LBHD1: variants seen among roughly 807,000 people sequenced by gnomAD.
LBHD1 encodes LBH domain containing 1, also known as LBH domain-containing protein 1.
Under a neutral mutation model 31.1 loss-of-function variants are expected in LBHD1, and 28 were observed. The observed-to-expected ratio is 0.90, with a 90% CI of 0.67 to 1.24. LBHD1 has a LOEUF of 1.24. Among genes scored for constraint, LBHD1 ranks in the 50% most tolerant of loss-of-function variants. The pLI, the probability that LBHD1 is intolerant of heterozygous loss-of-function variation, is 0.00. For synonymous variants in LBHD1, 105 were observed against 116.5 expected, an observed-to-expected ratio of 0.90 and a Z score of 0.63; for missense variants, 350 against 323.0, an observed-to-expected ratio of 1.08 and a Z score of -0.64.
chr11:62,671,629 T>G lies in LBHD1; in HGVS notation c.-76A>C. On this transcript the variant is annotated 5_prime_UTR_variant, in exon 1 of 7. Transcript: ENST00000354588. ...CAGGTCCTCTCTAGCCGGCCGCTTA[T>G]CTATGGTTTCTGCTATAGGGCGCTC... The G allele has an allele frequency of 1.3e-6, 2 of 1,513,706 alleles. No individual in the cohort carries two copies. The highest frequency in any genetic ancestry group is 2.3e-5 in the East Asian group (1 of 43,952). The allele number at this position is 1,513,706 out of a possible 1,614,324, so 93.8% of individuals were successfully genotyped here. A position where few individuals can be genotyped will look rare whatever the true frequency, so the allele number is the denominator to read the frequency against.
At chr11:62,670,203 G>T (rs1022400483) in intron 1 of LBHD1, 162 bp from the exon 2 acceptor site, 8 of 712,694 alleles carry the variant, frequency 1.1e-5, no homozygotes, top group Non-Finnish European at 1.8e-5. Context: ...AGGTGAGATA[G>T]GATCTTTATT....
rs764356369 is a variant in LBHD1 at position 62,667,760 on chromosome 11, AAG to A, written c.314-15_314-14del. On this transcript the variant is annotated splice_polypyrimidine_tract_variant and intron_variant, in intron 3 of 6. Transcript: ENST00000354588. ...CTCCAAGCCCAGCCTGGGATGGAGG[AAG>A]AGAGGGGACAAAAATATTACTGATA... is the stretch of plus-strand genomic sequence containing the variant. 7.1e-6 allele frequency: 11 copies of A among 1,547,504 alleles called. No individual in the cohort carries two copies. Among genetic ancestry groups the A allele is most frequent in the Admixed American group, 5.3e-5 (3 of 56,754 alleles).
intron 1 of LBHD1, chr11:62,670,966 G>A (rs1944928286): frequency 9.3e-6 from 2 of 215,040 alleles, no homozygotes; most frequent in South Asian, 1.2e-4. Context: ...GGGCGTGGTG[G>A]TGCACGCCTG....
In LBHD1 at chr11:62,665,508, G is replaced by A. The variant is rs770414732; in HGVS notation, c.539-535C>T. 3 of 1,572,922 alleles carry A rather than the reference G, an allele frequency of 1.9e-6. No homozygotes were observed. The East Asian group carries it at 7.0e-5, about 37-fold the overall frequency. ...GGGAAAGGGCTCTGGCCCCCTCGGC[G>A]TCATGTCTTCGGTGCTGGCGGCTTC... On this transcript the variant is annotated intron_variant, in intron 4 of 6. Coordinates refer to ENST00000354588, the MANE Select transcript of LBHD1 (RefSeq NM_024099.5).
At chr11:62,671,358 T>C (rs3809078) in intron 1 of LBHD1, 18 of 1,258,860 alleles carry the variant, frequency 1.4e-5, no homozygotes, top group Non-Finnish European at 1.8e-5. Flanking sequence ...CGCGGGTGAC[T>C]GCAGGAAACC....
At position 62,671,834 on chromosome 11, in the gene LBHD1, C is replaced by G; in HGVS notation, c.-281G>C. 1.2e-6 allele frequency: 2 copies of G among 1,614,094 alleles called. No homozygotes were observed. On this transcript the variant is annotated 5_prime_UTR_variant, in exon 1 of 7. Transcript: ENST00000354588. The stretch of plus-strand genomic sequence containing the variant: ...TACGCGCTCCTCGTTATCGTGACCC[C>G]GGGAGAGCGGCGGAAGCAGGAAATG...
intron 1 of LBHD1, chr11:62,671,147 C>A (rs534573200): frequency 1.1e-4 from 39 of 353,092 alleles, no homozygotes; most frequent in Admixed American, 2.8e-4. Context: ...ACAACAAAAC[C>A]AAAAAAAAAC....
chr11:62,667,894 A>AGCCCTGG, intron 3 of LBHD1, 147 bp from the exon 4 acceptor site: 1 of 618,700 alleles, frequency 1.6e-6, no homozygotes, highest in Non-Finnish European at 2.9e-6. Flanking sequence ...CAATAAAGTG[A>AGCCCTGG]CACCCCTAAC....
At chr11:62,667,071 ACC>A in intron 4 of LBHD1, 1 of 1,547,848 alleles carries the variant, frequency 6.5e-7, no homozygotes, top group African/African-American at 1.4e-5. Flanking sequence ...AGTAGTCCTG[ACC>A]CTAGTATTTC....
chr11:62,666,296 T>C (rs776521708), intron 4 of LBHD1: 2 of 1,251,980 alleles, frequency 1.6e-6, no homozygotes, highest in South Asian at 2.5e-5. Flanking sequence ...GGTCACAGAG[T>C]GAGACCCTGT....
chr11:62,671,589 A>T lies in LBHD1; in HGVS notation c.-36T>A. The T allele has an allele frequency of 6.8e-7, 1 of 1,472,092 alleles. No individual in the cohort carries two copies. Among genetic ancestry groups the T allele is most frequent in the Non-Finnish European group, 8.9e-7 (1 of 1,119,210 alleles). The allele number at this position is 1,472,092 out of a possible 1,614,324, so 91.2% of individuals were successfully genotyped here. ...CTGAGATCCAAGCGCTCCGGATTCCAAACGTTTCCTCGAGCAGGTCCTCTC... is the reference window on the plus strand; with the variant it reads ...CTGAGATCCAAGCGCTCCGGATTCCTAACGTTTCCTCGAGCAGGTCCTCTC... On this transcript the variant is annotated 5_prime_UTR_variant, in exon 1 of 7. Coordinates refer to ENST00000354588, the MANE Select transcript of LBHD1 (RefSeq NM_024099.5).
rs747797369 is a variant in LBHD1, at chr11:62,672,113, G to A, written c.-560C>T. 1.9e-6 allele frequency: 3 copies of A among 1,572,740 alleles called. No homozygotes were observed. In the East Asian group the frequency reaches 7.0e-5, roughly 37 times the overall value. On this transcript the variant is annotated 5_prime_UTR_variant, in exon 1 of 7. Coordinates refer to ENST00000354588, the MANE Select transcript of LBHD1 (RefSeq NM_024099.5). Reference sequence around the variant, plus strand: ...GGCGGCGCCGGCGGGAGGTCACCGTGAGACCGGACTTGCCTCCGTGGGCGC... The same window carrying A: ...GGCGGCGCCGGCGGGAGGTCACCGTAAGACCGGACTTGCCTCCGTGGGCGC...
intron 4 of LBHD1, chr11:62,665,774 G>A: frequency 6.5e-7 from 1 of 1,530,630 alleles, no homozygotes; most frequent in Non-Finnish European, 8.8e-7. Context: ...GCCGCCTTTC[G>A]CTACGCGGAA....
In LBHD1 at chr11:62,663,163, A is replaced by G. The variant is rs1395895899; in HGVS notation, c.762-4T>C. 6.2e-7 allele frequency: 1 copy of G among 1,613,730 alleles called. No individual in the cohort carries two copies. Among genetic ancestry groups the G allele is most frequent in the Non-Finnish European group, 8.5e-7 (1 of 1,179,946 alleles). On this transcript the variant is annotated splice_polypyrimidine_tract_variant and splice_region_variant and intron_variant, in intron 6 of 6. Coordinates refer to ENST00000354588, the MANE Select transcript of LBHD1 (RefSeq NM_024099.5). ...GCTGGCTTTGAAGGGGCTTCCACTGAGTAAAGGGAAGAAGGAAGTATTATC... is the reference window on the plus strand; with the variant it reads ...GCTGGCTTTGAAGGGGCTTCCACTGGGTAAAGGGAAGAAGGAAGTATTATC...
At chr11:62,668,141 G>C (rs995652332) in intron 3 of LBHD1, 4 of 181,784 alleles carry the variant, frequency 2.2e-5, no homozygotes, top group African/African-American at 9.5e-5. Context: ...TTTATAAAGG[G>C]GAAGTACCTT....
chr11:62,663,009 T>C lies in LBHD1; in HGVS notation c.*120A>G. 4.8e-6 allele frequency: 7 copies of C among 1,464,886 alleles called. No homozygotes were observed. The highest frequency in any genetic ancestry group is 4.7e-6 in the Non-Finnish European group (5 of 1,059,066). The allele number at this position is 1,464,886 out of a possible 1,614,324, so 90.7% of individuals were successfully genotyped here. ...AGTCCTCTGAAACAACCACTGAGTC[T>C]GAAGGCTGGCTCCAGTTGAGAATCT... On this transcript the variant is annotated 3_prime_UTR_variant, in exon 7 of 7. Coordinates refer to ENST00000354588, the MANE Select transcript of LBHD1 (RefSeq NM_024099.5).
Position 62,664,841 on chromosome 11 carries a change from G to A in LBHD1, c.663+8C>T. 6.4e-7 allele frequency: 1 copy of A among 1,561,126 alleles called. No individual in the cohort carries two copies. The highest frequency in any genetic ancestry group is 8.7e-7 in the Non-Finnish European group (1 of 1,152,476). On this transcript the variant is annotated splice_region_variant and intron_variant, in intron 5 of 6. Coordinates refer to ENST00000354588, the MANE Select transcript of LBHD1 (RefSeq NM_024099.5). Reference sequence around the variant, plus strand: ...GGACGACCAACAGGAAGAGGGTCTAGTACTTACGCCCGCTTCTTGAGGTGG... The same window carrying A: ...GGACGACCAACAGGAAGAGGGTCTAATACTTACGCCCGCTTCTTGAGGTGG...
At position 62,671,548 on chromosome 11, in the gene LBHD1, A is replaced by AC. The variant is rs1178719618; in HGVS notation, c.-11+15dup. 2.8e-6 allele frequency: 4 copies of AC among 1,424,022 alleles called. No individual in the cohort carries two copies. The highest frequency in any genetic ancestry group is 5.8e-5 in the Admixed American group (2 of 34,650). The allele number at this position is 1,424,022 out of a possible 1,614,324, so 88.2% of individuals were successfully genotyped here. A position where few individuals can be genotyped will look rare whatever the true frequency, so the allele number is the denominator to read the frequency against. On this transcript the variant is annotated intron_variant, in intron 1 of 6. Transcript: ENST00000354588. Reference sequence around the variant, plus strand: ...GTGCCAGCACTTCTTGGACACCTCAACCCCCTCAGCTAAACCTGAGATCCA... The same window carrying AC: ...GTGCCAGCACTTCTTGGACACCTCAACCCCCCTCAGCTAAACCTGAGATCCA...
intron 3 of LBHD1, 130 bp downstream of exon 3, chr11:62,669,495 CCTTTTCTCTCCCACAT>C: frequency 1.3e-6 from 2 of 1,499,462 alleles, no homozygotes; most frequent in Non-Finnish European, 1.8e-6. Flanking sequence ...TTGCCAGCTG[CCTTTTCTCTCCCACAT>C]CTTCACATTT....
Sources: gnomAD v4.1 joint callset for allele counts on GRCh38, gnomAD v4.1.1 for gene constraint, MANE v1.5 for transcripts, NCBI Gene and HGNC (gene_info 2026-07-23, HGNC 2026-07-21) for gene names.